TNKS: variants seen among roughly 807,000 people sequenced by gnomAD.
TNKS encodes the protein tankyrase.
TNKS carries 72 observed loss-of-function variants against 135.8 expected under a neutral mutation model. The ratio of observed to expected loss-of-function variants is 0.53; its 90% CI spans 0.44 to 0.64. The LOEUF is 0.64. Ranked by LOEUF, TNKS falls within the 30% of genes least tolerant of loss-of-function variation. The probability of loss-of-function intolerance (pLI) is 0.00; values close to 1 mark genes in which losing one functional copy is unlikely to be tolerated. For missense variants in TNKS, 1,769 were observed against 1,674.0 expected, an observed-to-expected ratio of 1.06 and a Z score of -0.99; for synonymous variants, 849 against 649.3, an observed-to-expected ratio of 1.31 and a Z score of -4.68.
intron 20 of TNKS, among the ~76,000 whole-genome samples, chr8:9,760,422 A>G (rs1228309432): frequency 6.6e-6 from 1 of 152,250 alleles, no homozygotes; most frequent in Non-Finnish European, 1.5e-5. Flanking sequence ...ATTCTGACAA[A>G]AAAATCAGCA....
chr8:9,757,042 T>C (rs7827395), intron 20 of TNKS, among the ~76,000 whole-genome samples: 14,564 of 152,206 alleles, frequency 0.096, 844 homozygotes, highest in South Asian at 0.17. Flanking sequence ...AGTGGCGTGA[T>C]CTCAGCTCAC....
intron 5 of TNKS, among the ~76,000 whole-genome samples, chr8:9,697,114 TG>T (rs1229084862): frequency 6.6e-6 from 1 of 152,058 alleles, no homozygotes; most frequent in Non-Finnish European, 1.5e-5. Context: ...CGTAGACTGA[TG>T]GAATGGAATA....
At chr8:9,703,124 G>A (rs926001899) in intron 5 of TNKS, among the ~76,000 whole-genome samples, 3 of 152,162 alleles carry the variant, frequency 2.0e-5, no homozygotes, top group Admixed American at 1.3e-4. Context: ...CCCGGTAGAT[G>A]CCTGAAGCCT....
rs529429924 is a variant in TNKS, at chr8:9,781,721, C to A, written c.*4985C>A. ...GAGAAAATGTTATGTTGCCTGGCAACAGCACTCGGAGTAGTAATTGTGTTT... is the reference window on the plus strand; with the variant it reads ...GAGAAAATGTTATGTTGCCTGGCAAAAGCACTCGGAGTAGTAATTGTGTTT... On this transcript the variant is annotated 3_prime_UTR_variant, in exon 27 of 27. Coordinates refer to ENST00000310430, the MANE Select transcript of TNKS (RefSeq NM_003747.3). The A allele has an allele frequency of 2.0e-5, 3 of 152,740 alleles. No individual in the cohort carries two copies. In the East Asian group the frequency reaches 5.8e-4, roughly 29 times the overall value. 9.5% of individuals were successfully genotyped at this position (152,740 alleles called of 1,614,324 possible). A position where few individuals can be genotyped will look rare whatever the true frequency, so the allele number is the denominator to read the frequency against.
intron 3 of TNKS, among the ~76,000 whole-genome samples, chr8:9,631,155 C>T (rs1017481032): frequency 8.5e-5 from 13 of 152,064 alleles, no homozygotes; most frequent in African/African-American, 2.9e-4. Flanking sequence ...CTCATCTAAC[C>T]GTTAACTAGT....
chr8:9,563,757 T>C (rs1331975254), intron 1 of TNKS, among the ~76,000 whole-genome samples: 1 of 152,222 alleles, frequency 6.6e-6, no homozygotes, highest in Non-Finnish European at 1.5e-5. Context: ...AAATAATTGA[T>C]TATAATTTTG....
At chr8:9,716,413 C>A (rs1261540605) in intron 11 of TNKS, among the ~76,000 whole-genome samples, 1 of 152,028 alleles carries the variant, frequency 6.6e-6, no homozygotes, top group Non-Finnish European at 1.5e-5. Context: ...TCCAAAGGGG[C>A]AAGTGTCCCA....
At chr8:9,669,685 A>C (rs949555399) in intron 3 of TNKS, among the ~76,000 whole-genome samples, 2 of 152,174 alleles carry the variant, frequency 1.3e-5, no homozygotes, top group African/African-American at 4.8e-5. Flanking sequence ...ATATATTACC[A>C]CGGATTCAGA....
chr8:9,753,249 C>G (rs1806648138), intron 20 of TNKS, among the ~76,000 whole-genome samples: 2 of 152,114 alleles, frequency 1.3e-5, no homozygotes, highest in African/African-American at 4.8e-5. Flanking sequence ...AAATGTCAGT[C>G]TTTATTCATC....
At position 9,761,029 on chromosome 8, in the gene TNKS, T is replaced by C. The variant is rs139684641; in HGVS notation, c.3154-487T>C. Among the ~76,000 whole-genome samples, 12 of 152,354 alleles carry C rather than the reference T, an allele frequency of 7.9e-5. No homozygotes were observed. In the East Asian group the frequency reaches 2.1e-3, roughly 27 times the overall value. Reference sequence around the variant, plus strand: ...GCCTGTCCCGGGCTTGAGTATTTCTTAGCACTGAGAAGTTCTTCCTTATCT... The same window carrying C: ...GCCTGTCCCGGGCTTGAGTATTTCTCAGCACTGAGAAGTTCTTCCTTATCT... On this transcript the variant is annotated intron_variant, in intron 20 of 26. Transcript: ENST00000310430.
At position 9,776,641 on chromosome 8, in the gene TNKS, C is replaced by G. The variant is rs528847715; in HGVS notation, c.3898-9C>G. On this transcript the variant is annotated splice_polypyrimidine_tract_variant and intron_variant, in intron 26 of 26. Coordinates refer to ENST00000310430, the MANE Select transcript of TNKS (RefSeq NM_003747.3). Reference sequence around the variant, plus strand: ...AAGGGTGATTTGTTTTTCTTCTTGTCCTTCCCAGGCATACCCAGAGTATCT... The same window carrying G: ...AAGGGTGATTTGTTTTTCTTCTTGTGCTTCCCAGGCATACCCAGAGTATCT... 9.3e-6 allele frequency: 15 copies of G among 1,613,498 alleles called. No homozygotes were observed. The highest frequency in any genetic ancestry group is 1.2e-5 in the Non-Finnish European group (14 of 1,179,580).
In TNKS at chr8:9,676,225, C is replaced by A. The variant is rs765669299; in HGVS notation, c.995-3726C>A. 6.6e-5 allele frequency among the ~76,000 whole-genome samples: 10 copies of A among 152,008 alleles called. 1 individual carries two copies. The highest frequency in any genetic ancestry group is 2.4e-4 in the African/African-American group (10 of 41,474). On this transcript the variant is annotated intron_variant, in intron 3 of 26. Coordinates refer to ENST00000310430, the MANE Select transcript of TNKS (RefSeq NM_003747.3). ...ATGGGGTTTCACCATGTTGGCCAGG[C>A]TAGTCTCGAACTCCTGACCTCAGGT...
chr8:9,685,111 A>G lies in TNKS; in HGVS notation c.1107+4311A>G, dbSNP rs544492976. On this transcript the variant is annotated intron_variant, in intron 5 of 26. Transcript: ENST00000310430. The stretch of plus-strand genomic sequence containing the variant: ...AACTTTCTGTAAATATTTGCTTCCA[A>G]ATAGTTAATAATGAAGATGACTGGA... Among the ~76,000 whole-genome samples the G allele has an allele frequency of 1.8e-4, 28 of 152,304 alleles. No individual in the cohort carries two copies. The South Asian group carries it at 5.2e-3, about 28-fold the overall frequency.
At chr8:9,650,701 T>C (rs1433775056) in intron 3 of TNKS, among the ~76,000 whole-genome samples, 1 of 152,174 alleles carries the variant, frequency 6.6e-6, no homozygotes, top group Non-Finnish European at 1.5e-5. Flanking sequence ...TTGTAGATTC[T>C]AGATGTTAGT....
chr8:9,609,737 G>A (rs766954558), intron 2 of TNKS, among the ~76,000 whole-genome samples: 15 of 152,100 alleles, frequency 9.9e-5, no homozygotes, highest in Admixed American at 3.3e-4. Flanking sequence ...CAGCCTAAGG[G>A]TAGATTTAAA....
chr8:9,562,669 A>C (rs1387602246), intron 1 of TNKS, among the ~76,000 whole-genome samples: 1 of 152,096 alleles, frequency 6.6e-6, no homozygotes, highest in Non-Finnish European at 1.5e-5. Flanking sequence ...TCCAATTCAA[A>C]CTCAGAACTA....
intron 25 of TNKS, among the ~76,000 whole-genome samples, chr8:9,767,122 C>T (rs560091197): frequency 6.6e-6 from 1 of 152,268 alleles, no homozygotes; most frequent in South Asian, 2.1e-4. Flanking sequence ...AACATAGACT[C>T]TTTAATTTAC....
At chr8:9,630,853 T>G (rs1422452491) in intron 3 of TNKS, among the ~76,000 whole-genome samples, 1 of 152,222 alleles carries the variant, frequency 6.6e-6, no homozygotes, top group East Asian at 1.9e-4. Flanking sequence ...GATTGCCTTA[T>G]GCTCTAGAAA....
chr8:9,665,578 A>C (rs1801946648), intron 3 of TNKS, among the ~76,000 whole-genome samples: 1 of 152,216 alleles, frequency 6.6e-6, no homozygotes, highest in African/African-American at 2.4e-5. Context: ...AGATTCCATA[A>C]AAGGGATTAG....
Sources: allele counts gnomAD v4.1 joint callset (sites outside exome capture counted in the v4.1 genomes callset), GRCh38; gene constraint gnomAD v4.1.1; transcripts MANE v1.5; gene names NCBI Gene and HGNC (gene_info 2026-07-23, HGNC 2026-07-21).